ANKLE2: variants seen among roughly 807,000 people sequenced by gnomAD.
ANKLE2 encodes the protein ankyrin repeat and LEM domain-containing protein 2.
A neutral mutation model predicts 84.2 loss-of-function variants in ANKLE2; 55 were observed. The observed-to-expected ratio is 0.65, with a 90% CI of 0.53 to 0.82. The LOEUF is 0.82. Among genes scored for constraint, ANKLE2 ranks in the 40% least tolerant of loss-of-function variants. The probability of loss-of-function intolerance (pLI) is 0.00; values close to 1 mark genes in which losing one functional copy is unlikely to be tolerated. For missense variants in ANKLE2, 1,238 were observed against 1,201.9 expected, an observed-to-expected ratio of 1.03 and a Z score of -0.44; for synonymous variants, 551 against 486.1, an observed-to-expected ratio of 1.13 and a Z score of -1.76.
At chr12:132,740,269 A>T (rs531834140) in intron 7 of ANKLE2, among the ~76,000 whole-genome samples, 1 of 152,308 alleles carries the variant, frequency 6.6e-6, no homozygotes, top group Non-Finnish European at 1.5e-5. Context: ...CACACTGAAG[A>T]AGTGTAATTA....
At chr12:132,733,742 C>T (rs1027902468) in intron 10 of ANKLE2, among the ~76,000 whole-genome samples, 12 of 152,168 alleles carry the variant, frequency 7.9e-5, no homozygotes, top group South Asian at 2.1e-4. Flanking sequence ...CCGTGCAAGG[C>T]GCTTCGTGCC....
At chr12:132,728,842 G>A (rs1258699812) in intron 11 of ANKLE2, among the ~76,000 whole-genome samples, 2 of 151,518 alleles carry the variant, frequency 1.3e-5, no homozygotes, top group Non-Finnish European at 2.9e-5. Context: ...GAAGGTTAGG[G>A]ACATTTATCC....
Position 132,741,854 on chromosome 12 carries a change from C to G in ANKLE2, c.1354-369G>C, listed in dbSNP as rs1169001587. 8.6e-6 allele frequency: 4 copies of G among 467,326 alleles called. No individual in the cohort carries two copies. In the East Asian group the frequency reaches 2.7e-4, roughly 31 times the overall value. The allele number at this position is 467,326 out of a possible 1,614,324, so 28.9% of individuals were successfully genotyped here. Reference sequence around the variant, plus strand: ...CACTTACAGGAAGCCTGGTCATACACAAACTTTTTGTTGTGAGGCTGGGTC... The same window carrying G: ...CACTTACAGGAAGCCTGGTCATACAGAAACTTTTTGTTGTGAGGCTGGGTC... On this transcript the variant is annotated intron_variant, in intron 6 of 12. Coordinates refer to ENST00000357997, the MANE Select transcript of ANKLE2 (RefSeq NM_015114.3).
In ANKLE2 at chr12:132,743,368, C is replaced by CATTT. The variant is rs761833471; in HGVS notation, c.1231-96_1231-93dup. On this transcript the variant is annotated intron_variant, in intron 5 of 12. Transcript: ENST00000357997. This position sits in a 1 kb window ranked among gnomAD's most constrained non-coding sequence, Gnocchi z 4.1. ...ATACATATTCATTCATTCATTCATT[C>CATTT]ATTTATTTATTTTGAGACGGAGTCT... The CATTT allele has an allele frequency of 9.9e-6, 14 of 1,407,544 alleles. No individual in the cohort carries two copies. The highest frequency in any genetic ancestry group is 3.1e-5 in the South Asian group (2 of 63,612). The allele number at this position is 1,407,544 out of a possible 1,614,324, so 87.2% of individuals were successfully genotyped here.
In ANKLE2 at chr12:132,729,891, T is replaced by C; in HGVS notation, c.2271A>G (p.Lys757=). Residue 757 remains lysine (K), a synonymous_variant, in exon 11 of 13, where the codon AAA becomes AAG. Coordinates refer to ENST00000357997, the MANE Select transcript of ANKLE2 (RefSeq NM_015114.3). ...TTGAAGTCAGGATCTGATCTTTAGT[T>C]TTTGTACTTTCATCTGGTGTCTTGG... ...SVSKTPDEST[K]TKDQILTSRI... 1 of 1,613,690 alleles carries C rather than the reference T, an allele frequency of 6.2e-7. No individual in the cohort carries two copies. The highest frequency in any genetic ancestry group is 8.5e-7 in the Non-Finnish European group (1 of 1,179,870).
At chr12:132,746,869 G>A (rs1380090750) in intron 5 of ANKLE2, among the ~76,000 whole-genome samples, 2 of 152,264 alleles carry the variant, frequency 1.3e-5, no homozygotes, top group East Asian at 1.9e-4. Context: ...CCATCCCAGT[G>A]TATAAAACTT....
intron 5 of ANKLE2, among the ~76,000 whole-genome samples, chr12:132,744,662 C>T (rs2136149006): frequency 6.6e-6 from 1 of 152,260 alleles, no homozygotes; most frequent in South Asian, 2.1e-4. Context: ...CTTTCTTGGA[C>T]AAGGACCAGA....
chr12:132,742,724 C>A (rs377350246), intron 6 of ANKLE2, among the ~76,000 whole-genome samples: 1 of 149,610 alleles, frequency 6.7e-6, no homozygotes, highest in Non-Finnish European at 1.5e-5. Flanking sequence ...TCATCACCAC[C>A]ACTGCCAACA....
intron 6 of ANKLE2, chr12:132,741,888 G>A (rs1032897146): frequency 2.2e-6 from 1 of 460,242 alleles, no homozygotes; most frequent in African/African-American, 2.0e-5. Context: ...TCAAGGTGGA[G>A]CTCCTAAGTA....
At chr12:132,733,977 C>T (rs2043950865) in intron 10 of ANKLE2, 1 of 458,818 alleles carries the variant, frequency 2.2e-6, no homozygotes, top group South Asian at 1.5e-5. Flanking sequence ...CCCCGACACA[C>T]AACCCATTTA....
At chr12:132,741,541 T>C in intron 6 of ANKLE2, 56 bp from the exon 7 acceptor site, 1 of 1,511,672 alleles carries the variant, frequency 6.6e-7, no homozygotes, top group Non-Finnish European at 9.2e-7. Flanking sequence ...TTCCTTATCA[T>C]TACAATGATT....
At chr12:132,759,036 A>T (rs1331016922) in intron 1 of ANKLE2, 3 of 130,918 alleles carry the variant, frequency 2.3e-5, no homozygotes, top group East Asian at 4.7e-4. Context: ...ATCGCTGCGG[A>T]GTGGCACCCC....
chr12:132,754,986 A>G lies in ANKLE2; in HGVS notation c.329T>C (p.Leu110Ser), dbSNP rs750274925. ...AGACAGCCTTCCTCCTTGCTCCAGTAAAGCCTGAGCCAATTTTTTCTCAAA... is the reference window on the plus strand; with the variant it reads ...AGACAGCCTTCCTCCTTGCTCCAGTGAAGCCTGAGCCAATTTTTTCTCAAA... ...FIFEKKLAQA[L>S]LEQGGRLSSF... The change falls in exon 2 of 13, where the codon TTA becomes TCA. Residue 110 changes from leucine to serine, a missense_variant. Physicochemically the swap from Leu to Ser is moderately radical, Grantham distance 145. This residue lies in a region of ANKLE2 where 422 missense variants were observed against 394.5 expected (regional missense o/e 1.07). Transcript: ENST00000357997. The G allele has an allele frequency of 6.2e-7, 1 of 1,614,082 alleles. No homozygotes were observed. Among genetic ancestry groups the G allele is most frequent in the Non-Finnish European group, 8.5e-7 (1 of 1,180,058 alleles).
chr12:132,733,896 T>A, intron 10 of ANKLE2: 1 of 452,990 alleles, frequency 2.2e-6, no homozygotes, highest in Non-Finnish European at 4.4e-6. Flanking sequence ...TATATTAGAT[T>A]TTGGATAATG....
chr12:132,761,677 C>A lies in ANKLE2; in HGVS notation c.122G>T (p.Gly41Val), dbSNP rs2136197260. ...LVRRLGPRPG[G>V]LGRSGTPVPP... ...AACTGGGGTCCCGCTGCGGCCCAGACCTCCCGGCCGCGGGCCCAGCCGCCG... is the reference window on the plus strand; with the variant it reads ...AACTGGGGTCCCGCTGCGGCCCAGAACTCCCGGCCGCGGGCCCAGCCGCCG... Residue 41 changes from glycine to valine, a missense_variant, in exon 1 of 13, where the codon GGT (glycine) becomes GTT (valine). This residue lies in a region of ANKLE2 where 422 missense variants were observed against 394.5 expected (regional missense o/e 1.07). Coordinates refer to ENST00000357997, the MANE Select transcript of ANKLE2 (RefSeq NM_015114.3). 1.5e-6 allele frequency: 2 copies of A among 1,342,472 alleles called. No individual in the cohort carries two copies. Among genetic ancestry groups the A allele is most frequent in the East Asian group, 3.2e-5 (1 of 31,236 alleles). 83.2% of individuals were successfully genotyped at this position (1,342,472 alleles called of 1,614,324 possible). A position where few individuals can be genotyped will look rare whatever the true frequency, so the allele number is the denominator to read the frequency against.
intron 2 of ANKLE2, 107 bp from the exon 3 acceptor site, chr12:132,750,956 G>A (rs961884852): frequency 2.1e-5 from 20 of 974,256 alleles, no homozygotes; most frequent in South Asian, 1.8e-4. Context: ...CTACCCAGTC[G>A]CCTGGCTTAG....
chr12:132,755,847 CT>C, intron 1 of ANKLE2: 1 of 150,028 alleles, frequency 6.7e-6, no homozygotes, highest in Non-Finnish European at 1.5e-5. Context: ...AGGCGTGAGC[CT>C]TTTTTCTTTT....
At chr12:132,752,326 G>A (rs558816724) in intron 2 of ANKLE2, among the ~76,000 whole-genome samples, 19 of 152,230 alleles carry the variant, frequency 1.2e-4, no homozygotes, top group East Asian at 7.7e-4. Context: ...GCGACAGACC[G>A]GGACTCTGTC....
Position 132,729,914 on chromosome 12 carries a change from T to C in ANKLE2, c.2248A>G (p.Lys750Glu). The change falls in exon 11 of 13, where the codon AAG becomes GAG. Residue 750 changes from lysine (K) to glutamate (E), a missense_variant. Lys to Glu is a moderately conservative substitution (Grantham distance 56). Transcript: ENST00000357997. ...GTTTTTGTACTTTCATCTGGTGTCT[T>C]GGAAACGCTACGTCCTATATTTTGC... The part of the protein sequence containing the change: ...NLQNIGRSVS[K>E]TPDESTKTKD... The C allele has an allele frequency of 1.2e-6, 2 of 1,613,664 alleles. No individual in the cohort carries two copies. The highest frequency in any genetic ancestry group is 1.7e-6 in the Non-Finnish European group (2 of 1,179,888).
Sources: allele counts gnomAD v4.1 joint callset (sites outside exome capture counted in the v4.1 genomes callset), GRCh38; gene constraint gnomAD v4.1.1; regional missense constraint gnomAD v4.1.1; non-coding constraint Gnocchi (gnomAD v3.1); transcripts MANE v1.5; gene names NCBI Gene and HGNC (gene_info 2026-07-23, HGNC 2026-07-21).